ASB11: variants seen among roughly 807,000 people sequenced by gnomAD.
ASB11 encodes ankyrin repeat and SOCS box protein 11.
In ASB11, 17 loss-of-function variants were observed where a neutral mutation model predicts 20.1. That is an observed-to-expected ratio of 0.85 (90% CI 0.58 to 1.27). The LOEUF is 1.27. Ranked by LOEUF, ASB11 falls within the 50% of genes most tolerant of loss-of-function variation. ASB11 has a pLI of 0.00. For missense variants in ASB11, 259 were observed against 256.9 expected, an observed-to-expected ratio of 1.01 and a Z score of -0.06; for synonymous variants, 107 against 105.6, an observed-to-expected ratio of 1.01 and a Z score of -0.08.
At chrX:15,312,835 A>G (rs780084318) in intron 1 of ASB11, among the ~76,000 whole-genome samples, 2,655 of 71,160 alleles carry the variant, frequency 0.037, 66 homozygotes, top group African/African-American at 0.13. Context: ...TTTTTAATAC[A>G]CCTAAATATA....
chrX:15,296,725 T>C (rs1208509016), intron 3 of ASB11, among the ~76,000 whole-genome samples: 1 of 112,390 alleles, frequency 8.9e-6, no homozygotes, highest in Non-Finnish European at 1.9e-5. Context: ...GTGTTTTCTA[T>C]TGTTCTTTAA....
chrX:15,295,425 T>G (rs1920958195), intron 3 of ASB11, among the ~76,000 whole-genome samples: 1 of 112,115 alleles, frequency 8.9e-6, no homozygotes, highest in African/African-American at 3.2e-5. Context: ...TGGGAAAAAC[T>G]TAGAAAGTAA....
chrX:15,286,524 G>A (rs1310788298), intron 6 of ASB11, among the ~76,000 whole-genome samples: 1 of 108,896 alleles, frequency 9.2e-6, no homozygotes, highest in African/African-American at 3.4e-5. Flanking sequence ...AATTAGCTGG[G>A]TGTGGTGGTG....
intron 4 of ASB11, among the ~76,000 whole-genome samples, chrX:15,290,729 T>C (rs1424660729): frequency 1.8e-5 from 2 of 112,378 alleles, no homozygotes; most frequent in Non-Finnish European, 3.7e-5. Flanking sequence ...CTATTTTTTG[T>C]AGATAACATA....
At chrX:15,303,210 CA>C (rs1421686343) in intron 1 of ASB11, among the ~76,000 whole-genome samples, 2 of 111,346 alleles carry the variant, frequency 1.8e-5, no homozygotes, top group African/African-American at 6.5e-5. Context: ...CCCAAAGACT[CA>C]ACAGCCTGTG....
intron 6 of ASB11, 37 bp from the exon 7 acceptor site, chrX:15,283,666 G>C: frequency 1.3e-5 from 16 of 1,198,115 alleles, no homozygotes; most frequent in Non-Finnish European, 1.8e-5. Context: ...ACTTCATAGT[G>C]GTGGGAGGTG....
chrX:15,314,621 T>C (rs1908109660), intron 1 of ASB11: 1 of 854,277 alleles, frequency 1.2e-6, no homozygotes, highest in East Asian at 3.9e-5. Flanking sequence ...TTGAAATGGA[T>C]ACTAGATAAA....
rs1045176413 is a variant in ASB11, at chrX:15,282,566, T to C, written c.*939A>G. On this transcript the variant is annotated 3_prime_UTR_variant, in exon 7 of 7. Coordinates refer to ENST00000480796, the MANE Select transcript of ASB11 (RefSeq NM_080873.3). ...TTTGAAAATAAGCCAGTGCTTGGGT[T>C]GCAACATGCCTCAGACAATGCCTGT... is the stretch of plus-strand genomic sequence containing the variant. 2 of 111,460 alleles carry C rather than the reference T, an allele frequency of 1.8e-5. No homozygotes were observed. 9.2% of individuals were successfully genotyped at this position (111,460 alleles called of 1,213,427 possible). A position where few individuals can be genotyped will look rare whatever the true frequency, so the allele number is the denominator to read the frequency against.
chrX:15,293,465 C>T (rs1366754145), intron 3 of ASB11, 145 bp from the exon 4 acceptor site: 11 of 686,062 alleles, frequency 1.6e-5, no homozygotes, highest in Non-Finnish European at 2.4e-5. Context: ...TATTATGAAA[C>T]CTCATGAAGT....
At chrX:15,308,820 T>C (rs73635081) in intron 1 of ASB11, among the ~76,000 whole-genome samples, 1,228 of 111,897 alleles carry the variant, frequency 0.011, 12 homozygotes, top group African/African-American at 0.037. Context: ...CTCCTCTTTA[T>C]AAATCAGGGG....
chrX:15,309,967 C>CAAAAAAAAAAAAAAAAAAAA lies in ASB11; in HGVS notation c.181+5438_181+5457dup, dbSNP rs60765469. ...TGGGCGACAGAGCAAGACTCCGTCT[C>CAAAAAAAAAAAAAAAAAAAA]AAAAAAAAAAAAAAAAAAAAAAAAG... On this transcript the variant is annotated intron_variant, in intron 1 of 6. Transcript: ENST00000480796. Among the ~76,000 whole-genome samples, 26 of 15,514 alleles carry CAAAAAAAAAAAAAAAAAAAA rather than the reference C, an allele frequency of 1.7e-3. 3 individuals are homozygous for CAAAAAAAAAAAAAAAAAAAA. The highest frequency in any genetic ancestry group is 2.0e-3 in the Non-Finnish European group (16 of 7,874). The allele number at this position is 15,514 out of a possible 115,157, so 13.5% of individuals were successfully genotyped here.
intron 6 of ASB11, 146 bp from the exon 7 acceptor site, chrX:15,283,775 A>G (rs1013844077): frequency 3.6e-5 from 22 of 617,463 alleles, no homozygotes; most frequent in Non-Finnish European, 4.2e-5. Context: ...GAGGTAGCGG[A>G]CACTAAATAC....
Position 15,312,517 on chromosome X carries a change from A to G in ASB11, c.181+2908T>C, listed in dbSNP as rs1191316414. On this transcript the variant is annotated intron_variant, in intron 1 of 6. Coordinates refer to ENST00000480796, the MANE Select transcript of ASB11 (RefSeq NM_080873.3). Reference sequence around the variant, plus strand: ...GTTAAATGCAGCTTCCAAAAAAAAAAAAAAAAAAGAGTGCTCTGGACCTAC... The same window carrying G: ...GTTAAATGCAGCTTCCAAAAAAAAAGAAAAAAAAGAGTGCTCTGGACCTAC... Among the ~76,000 whole-genome samples the G allele has an allele frequency of 2.7e-4, 29 of 108,550 alleles. No individual in the cohort carries two copies. The South Asian group carries it at 0.01, about 38-fold the overall frequency. The allele number at this position is 108,550 out of a possible 115,157, so 94.3% of individuals were successfully genotyped here. A position where few individuals can be genotyped will look rare whatever the true frequency, so the allele number is the denominator to read the frequency against.
chrX:15,287,299 C>G (rs964357184), intron 6 of ASB11, among the ~76,000 whole-genome samples: 2 of 112,759 alleles, frequency 1.8e-5, no homozygotes, highest in East Asian at 5.5e-4. Flanking sequence ...AATGGAAATT[C>G]AAGATTTTCG....
At chrX:15,308,137 T>C (rs999916901) in intron 1 of ASB11, among the ~76,000 whole-genome samples, 1 of 112,383 alleles carries the variant, frequency 8.9e-6, no homozygotes, top group African/African-American at 3.2e-5. Flanking sequence ...AAGTGTTAAC[T>C]GGAAGAGGAG....
intron 3 of ASB11, among the ~76,000 whole-genome samples, chrX:15,293,635 G>A (rs1362791192): frequency 9.0e-6 from 1 of 111,142 alleles, no homozygotes; most frequent in Non-Finnish European, 1.9e-5. Flanking sequence ...GCAGGCTGTG[G>A]TCCCAAAATC....
intron 6 of ASB11, among the ~76,000 whole-genome samples, chrX:15,285,868 G>A (rs1442602178): frequency 9.0e-6 from 1 of 110,628 alleles, no homozygotes; most frequent in Non-Finnish European, 1.9e-5. Context: ...AGCTGGGCGT[G>A]GTGGCACGCG....
chrX:15,306,703 AAACAACAACAACAAC>A (rs767262827), intron 1 of ASB11, among the ~76,000 whole-genome samples: 1 of 109,601 alleles, frequency 9.1e-6, no homozygotes, highest in Non-Finnish European at 1.9e-5. Context: ...ACTTTGTCTC[AAACAACAACAACAAC>A]AACAACAACA....
At chrX:15,291,504 G>C (rs368211805) in intron 4 of ASB11, among the ~76,000 whole-genome samples, 111 of 110,454 alleles carry the variant, frequency 1.0e-3, no homozygotes, top group African/African-American at 3.4e-3. Context: ...TCAGGAGTCT[G>C]AGACCAGCCT....
Sources: allele counts gnomAD v4.1 joint callset (sites outside exome capture counted in the v4.1 genomes callset), GRCh38; gene constraint gnomAD v4.1.1; transcripts MANE v1.5; gene names NCBI Gene and HGNC (gene_info 2026-07-23, HGNC 2026-07-21).